Variants in DDAH1 observed in about 807,000 individuals in gnomAD.
DDAH1 encodes dimethylarginine dimethylaminohydrolase 1.
In DDAH1, 19 loss-of-function variants were observed where a neutral mutation model predicts 28.8. The observed-to-expected ratio is 0.66, with a 90% CI of 0.46 to 0.97. The LOEUF is 0.97. Ranked by LOEUF, DDAH1 falls within the 50% of genes least tolerant of loss-of-function variation. The pLI is 0.00. For missense variants in DDAH1, 326 were observed against 375.9 expected, an observed-to-expected ratio of 0.87 and a Z score of 1.10; for synonymous variants, 153 against 154.4, an observed-to-expected ratio of 0.99 and a Z score of 0.07.
intron 1 of DDAH1, among the ~76,000 whole-genome samples, chr1:85,418,935 A>G (rs1389191907): frequency 6.6e-6 from 1 of 152,096 alleles, no homozygotes; most frequent in Non-Finnish European, 1.5e-5. Context: ...CTCTGCTCAT[A>G]TCGTAGTTGG....
chr1:85,385,929 G>C (rs1651234802), intron 1 of DDAH1, among the ~76,000 whole-genome samples: 2 of 152,076 alleles, frequency 1.3e-5, no homozygotes. Flanking sequence ...AGAGATGAAG[G>C]AGGAGAGAGA....
At chr1:85,552,337 A>T (rs758466333) in intron 1 of DDAH1, among the ~76,000 whole-genome samples, 1 of 151,968 alleles carries the variant, frequency 6.6e-6, no homozygotes, top group South Asian at 2.1e-4. Context: ...CAACTTAAAA[A>T]CCTGGTTTCT....
chr1:85,546,271 A>G (rs1031799567), intron 1 of DDAH1, among the ~76,000 whole-genome samples: 2 of 151,994 alleles, frequency 1.3e-5, no homozygotes, highest in African/African-American at 2.4e-5. Flanking sequence ...TTATCTTGGG[A>G]GTGGGTTCCT....
At chr1:85,445,467 G>C (rs1360288444) in intron 1 of DDAH1, among the ~76,000 whole-genome samples, 1 of 152,134 alleles carries the variant, frequency 6.6e-6, no homozygotes, top group Non-Finnish European at 1.5e-5. Context: ...GAATCTGCAC[G>C]CCAGACTATA....
At chr1:85,534,231 G>A (rs531362562) in intron 1 of DDAH1, among the ~76,000 whole-genome samples, 15 of 152,134 alleles carry the variant, frequency 9.9e-5, no homozygotes, top group Non-Finnish European at 1.5e-4. Context: ...AGCATCTCAC[G>A]TCAGTGCAGT....
At chr1:85,358,234 G>T (rs1039855284) in intron 2 of DDAH1, among the ~76,000 whole-genome samples, 1 of 152,132 alleles carries the variant, frequency 6.6e-6, no homozygotes, top group Non-Finnish European at 1.5e-5. Context: ...AGTACTAAAA[G>T]GACATATATA....
At chr1:85,441,369 C>T (rs1050393889) in intron 1 of DDAH1, among the ~76,000 whole-genome samples, 1 of 151,944 alleles carries the variant, frequency 6.6e-6, no homozygotes, top group Non-Finnish European at 1.5e-5. Context: ...GGTGAAACCC[C>T]GTCTCTACCA....
At chr1:85,346,934 C>A (rs999910787) in intron 4 of DDAH1, among the ~76,000 whole-genome samples, 1 of 152,058 alleles carries the variant, frequency 6.6e-6, no homozygotes, top group Non-Finnish European at 1.5e-5. Flanking sequence ...AAACAAACAA[C>A]CCCATCAAAA....
At chr1:85,364,814 G>T (rs973138379) in intron 1 of DDAH1, among the ~76,000 whole-genome samples, 1 of 152,176 alleles carries the variant, frequency 6.6e-6, no homozygotes, top group Non-Finnish European at 1.5e-5. Context: ...AAAGTGCTGG[G>T]ATTACAGGCA....
chr1:85,536,433 A>G (rs1375653791), intron 1 of DDAH1, among the ~76,000 whole-genome samples: 6 of 151,930 alleles, frequency 3.9e-5, no homozygotes, highest in African/African-American at 1.4e-4. Flanking sequence ...CATGCCTGTA[A>G]TCCCAGCTAC....
intron 1 of DDAH1, among the ~76,000 whole-genome samples, chr1:85,574,879 C>A: frequency 6.6e-6 from 1 of 151,854 alleles, no homozygotes; most frequent in East Asian, 1.9e-4. Flanking sequence ...AAACCCATCT[C>A]TCTCTCTCTC....
At chr1:85,397,166 A>G (rs1327013247) in intron 1 of DDAH1, among the ~76,000 whole-genome samples, 1 of 152,094 alleles carries the variant, frequency 6.6e-6, no homozygotes, top group East Asian at 1.9e-4. Flanking sequence ...ATCATTATAG[A>G]CTCTCATCAG....
intron 1 of DDAH1, among the ~76,000 whole-genome samples, chr1:85,413,609 G>A (rs1366572705): frequency 1.3e-5 from 2 of 152,178 alleles, no homozygotes; most frequent in Non-Finnish European, 2.9e-5. Context: ...TAGAAGCAAG[G>A]TATAGAAAAC....
intron 1 of DDAH1, among the ~76,000 whole-genome samples, chr1:85,443,060 G>A (rs1654273360): frequency 6.6e-6 from 1 of 152,130 alleles, no homozygotes; most frequent in South Asian, 2.1e-4. Flanking sequence ...TTTGGCTTTT[G>A]TTGCCATTGC....
At chr1:85,457,307 T>C (rs969195003) in intron 1 of DDAH1, among the ~76,000 whole-genome samples, 4 of 152,176 alleles carry the variant, frequency 2.6e-5, no homozygotes, top group Admixed American at 1.3e-4. Context: ...CCTGGTTAAT[T>C]CTCACTCAAT....
chr1:85,539,717 G>T (rs1288255354), intron 1 of DDAH1, among the ~76,000 whole-genome samples: 1 of 151,734 alleles, frequency 6.6e-6, no homozygotes, highest in Non-Finnish European at 1.5e-5. Context: ...CTCTTTTCCA[G>T]ACTATTGTAG....
chr1:85,326,373 A>C (rs233125), intron 4 of DDAH1, among the ~76,000 whole-genome samples: 3,260 of 152,306 alleles, frequency 0.021, 49 homozygotes, highest in Non-Finnish European at 0.03. Flanking sequence ...AGAAAAATAG[A>C]TAATTATATT....
At chr1:85,405,584 G>A (rs767904743) in intron 1 of DDAH1, among the ~76,000 whole-genome samples, 6 of 151,768 alleles carry the variant, frequency 4.0e-5, no homozygotes, top group South Asian at 2.1e-4. Flanking sequence ...TCCCTGCTCC[G>A]CATTTGGCTG....
upstream of DDAH1, among the ~76,000 whole-genome samples, chr1:85,468,700 AGTAGAGACAGGGTTTCACT>A (rs1655506900): frequency 6.6e-6 from 1 of 152,038 alleles, no homozygotes; most frequent in African/African-American, 2.4e-5. Context: ...TTGTATTTTT[AGTAGAGACAGGGTTTCACT>A]GTGTTAGCCA....
Sources: allele counts gnomAD v4.1 joint callset (sites outside exome capture counted in the v4.1 genomes callset), GRCh38; gene constraint gnomAD v4.1.1; transcripts MANE v1.5; gene names NCBI Gene and HGNC (gene_info 2026-07-23, HGNC 2026-07-21).